Variants in CAST observed in about 807,000 individuals in gnomAD.
The protein encoded by CAST is calpastatin, also known as MIR583 host.
In CAST, 76 loss-of-function variants were observed where a neutral mutation model predicts 119.6. That is an observed-to-expected ratio of 0.64 (90% CI 0.53 to 0.77). The LOEUF (loss-of-function observed/expected upper bound fraction) is 0.77, where lower values mean the gene tolerates loss of function less well. Ranked by LOEUF, CAST falls within the 30% of genes least tolerant of loss-of-function variation. CAST has a pLI of 0.00. For synonymous variants in CAST, 319 were observed against 331.6 expected (o/e 0.96, Z 0.41); for missense variants, 953 against 946.5 (o/e 1.01, Z -0.09).
the CAST span, among the ~76,000 whole-genome samples, chr5:95,979,678 T>C: frequency 3.8e-3 from 576 of 152,324 alleles, 5 homozygotes; most frequent in African/African-American, 0.013. Context: ...GTACTTATTG[T>C]ATGGATTAAT....
intron 13 of CAST, 61 bp from the exon 14 acceptor site, chr5:96,741,205 G>T: frequency 2.2e-6 from 2 of 892,404 alleles, no homozygotes; most frequent in Non-Finnish European, 1.9e-6. Context: ...CTAGGTTTAT[G>T]ATCCATTCTT....
chr5:96,408,235 G>A, the CAST span: 4 of 1,612,914 alleles, frequency 2.5e-6, no homozygotes, highest in Non-Finnish European at 3.4e-6. Context: ...TGCTTCCAGG[G>A]CCAGAGCGAA....
At chr5:96,384,100 A>G in the CAST span, among the ~76,000 whole-genome samples, 42,002 of 151,962 alleles carry the variant, frequency 0.28, 5,865 homozygotes, top group South Asian at 0.32. Flanking sequence ...TACAGGCACA[A>G]TGAGGTATGT....
chr5:96,046,455 C>T, the CAST span, among the ~76,000 whole-genome samples: 1 of 152,250 alleles, frequency 6.6e-6, no homozygotes, highest in South Asian at 2.1e-4. Flanking sequence ...GTGCACTCCA[C>T]ATTCCATCTT....
the CAST span, among the ~76,000 whole-genome samples, chr5:96,033,963 CAA>C: frequency 1.1e-4 from 16 of 152,062 alleles, no homozygotes; most frequent in African/African-American, 3.9e-4. Context: ...AACAAGAAAA[CAA>C]ATCACCCAAT....
At chr5:96,319,601 G>C in the CAST span, among the ~76,000 whole-genome samples, 1 of 152,276 alleles carries the variant, frequency 6.6e-6, no homozygotes, top group Middle Eastern at 3.4e-3. Context: ...GTGTATCACA[G>C]TCACAATAGA....
chr5:96,397,484 C>G, the CAST span: 1 of 1,609,152 alleles, frequency 6.2e-7, no homozygotes, highest in Non-Finnish European at 8.5e-7. Flanking sequence ...GAAACAAATA[C>G]AAGTTAATGA....
the CAST span, among the ~76,000 whole-genome samples, chr5:96,506,715 G>T: frequency 6.6e-6 from 1 of 152,178 alleles, no homozygotes; most frequent in African/African-American, 2.4e-5. Context: ...ACCCGAGAAA[G>T]TCTCTACTGA....
At chr5:95,977,729 T>C in the CAST span, among the ~76,000 whole-genome samples, 1 of 152,176 alleles carries the variant, frequency 6.6e-6, no homozygotes, top group Non-Finnish European at 1.5e-5. Context: ...GGGTTTGTTG[T>C]ACAGGTTATT....
At chr5:96,667,459 C>A (rs1415991655) in intron 1 of CAST, among the ~76,000 whole-genome samples, 1 of 152,178 alleles carries the variant, frequency 6.6e-6, no homozygotes, top group African/African-American at 2.4e-5. Flanking sequence ...CATGATACCC[C>A]CTTTGACTTA....
chr5:96,475,308 T>C, the CAST span, among the ~76,000 whole-genome samples: 1 of 152,218 alleles, frequency 6.6e-6, no homozygotes. Context: ...AATGAATTAA[T>C]AAGGAGTTAT....
the CAST span, among the ~76,000 whole-genome samples, chr5:96,492,218 T>A: frequency 6.6e-6 from 1 of 152,266 alleles, no homozygotes; most frequent in Non-Finnish European, 1.5e-5. Flanking sequence ...TACCCTCGTT[T>A]GAGGGAGGCT....
the CAST span, among the ~76,000 whole-genome samples, chr5:96,246,071 C>T: frequency 6.6e-6 from 1 of 152,056 alleles, no homozygotes; most frequent in African/African-American, 2.4e-5. Context: ...ACCATAGCAT[C>T]CCTGGTCAGA....
At chr5:96,104,231 T>G in the CAST span, among the ~76,000 whole-genome samples, 4 of 152,226 alleles carry the variant, frequency 2.6e-5, no homozygotes, top group South Asian at 2.1e-4. Flanking sequence ...AGAAGCTCTT[T>G]AGTTTAATTA....
chr5:96,012,368 G>T, the CAST span, among the ~76,000 whole-genome samples: 1 of 151,710 alleles, frequency 6.6e-6, no homozygotes, highest in South Asian at 2.1e-4. Flanking sequence ...TATGCTTTAG[G>T]GGTTACAGCT....
At chr5:96,092,401 C>T in the CAST span, among the ~76,000 whole-genome samples, 10 of 152,170 alleles carry the variant, frequency 6.6e-5, no homozygotes, top group Admixed American at 3.9e-4. Flanking sequence ...AACATTTGCT[C>T]TTTCAGGATT....
At chr5:96,176,644 T>C in the CAST span, among the ~76,000 whole-genome samples, 1 of 152,198 alleles carries the variant, frequency 6.6e-6, no homozygotes, top group Non-Finnish European at 1.5e-5. Context: ...CACTTGAGAT[T>C]TTGGCATACT....
At chr5:96,679,457 T>G (rs530658645) in intron 2 of CAST, 80 of 152,274 alleles carry the variant, frequency 5.3e-4, no homozygotes, top group African/African-American at 1.9e-3. Flanking sequence ...TTTCCAAACC[T>G]GCAATCAAAT....
the CAST span, among the ~76,000 whole-genome samples, chr5:96,329,730 C>A: frequency 1.3e-5 from 2 of 152,158 alleles, no homozygotes; most frequent in Non-Finnish European, 2.9e-5. Flanking sequence ...TGCTGATGAC[C>A]CAGATGCCTT....
Sources: allele counts gnomAD v4.1 joint callset (sites outside exome capture counted in the v4.1 genomes callset), GRCh38; gene constraint gnomAD v4.1.1; transcripts MANE v1.5; gene names NCBI Gene and HGNC (gene_info 2026-07-23, HGNC 2026-07-21).